The following RBM20 variants were observed in gnomAD, a reference collection of about 807,000 sequenced individuals.
RBM20 encodes the protein RNA-binding protein 20.
A neutral mutation model predicts 110.1 loss-of-function variants in RBM20; 51 were observed. That is an observed-to-expected ratio of 0.46 (90% CI 0.37 to 0.59). The LOEUF (loss-of-function observed/expected upper bound fraction) is 0.59, where lower values mean the gene tolerates loss of function less well. RBM20 is among the 20% of genes least tolerant of loss of function. RBM20 has a pLI of 0.00. For missense variants in RBM20, 1,512 were observed against 1,574.9 expected, an observed-to-expected ratio of 0.96 and a Z score of 0.68; for synonymous variants, 589 against 618.2, an observed-to-expected ratio of 0.95 and a Z score of 0.70.
intron 1 of RBM20, among the ~76,000 whole-genome samples, chr10:110,691,943 C>T (rs1862591684): frequency 6.6e-6 from 1 of 152,232 alleles, no homozygotes; most frequent in Admixed American, 6.5e-5. Context: ...TCTTTGATTC[C>T]TTTTTGCATA....
At chr10:110,703,005 T>G (rs1341757143) in intron 1 of RBM20, among the ~76,000 whole-genome samples, 1 of 104,056 alleles carries the variant, frequency 9.6e-6, no homozygotes, top group South Asian at 3.7e-4. Flanking sequence ...TTTTTTTTGT[T>G]TTTTTTTTTG....
chr10:110,764,549 G>A (rs575282309), intron 1 of RBM20, among the ~76,000 whole-genome samples: 20 of 152,372 alleles, frequency 1.3e-4, no homozygotes, highest in Admixed American at 8.5e-4. Flanking sequence ...AATGGCTCCC[G>A]GTGGCATGTG....
intron 1 of RBM20, among the ~76,000 whole-genome samples, chr10:110,683,522 A>G (rs73355047): frequency 0.034 from 5,113 of 152,286 alleles, 296 homozygotes; most frequent in African/African-American, 0.12. Flanking sequence ...ATTCCTTAAG[A>G]GCTTCCTTTT....
Position 110,652,484 on chromosome 10 carries a change from C to T in RBM20, c.191+7839C>T, listed in dbSNP as rs181815830. Among the ~76,000 whole-genome samples the T allele has an allele frequency of 4.2e-3, 645 of 152,130 alleles. 1 individual carries two copies. The highest frequency in any genetic ancestry group is 5.8e-3 in the Non-Finnish European group (396 of 68,004). On this transcript the variant is annotated intron_variant, in intron 1 of 13. Coordinates refer to ENST00000369519, the MANE Select transcript of RBM20 (RefSeq NM_001134363.3). ...TTCTTTATCTATTTCTTTTCCTAAC[C>T]GTCTGTACCTGCGAGTATTTCATTT... is the stretch of plus-strand genomic sequence containing the variant.
At chr10:110,679,305 C>A (rs2134855699) in intron 1 of RBM20, among the ~76,000 whole-genome samples, 1 of 152,224 alleles carries the variant, frequency 6.6e-6, no homozygotes. Flanking sequence ...CTCACTGCGG[C>A]CTTGAACGCC....
chr10:110,672,724 G>T (rs1398655919), intron 1 of RBM20, among the ~76,000 whole-genome samples: 6 of 152,150 alleles, frequency 3.9e-5, no homozygotes, highest in Admixed American at 3.9e-4. Context: ...GAGTGCCAGT[G>T]CCCCCAGAGT....
intron 1 of RBM20, among the ~76,000 whole-genome samples, chr10:110,701,206 C>T (rs913813860): frequency 6.6e-6 from 1 of 152,110 alleles, no homozygotes; most frequent in Non-Finnish European, 1.5e-5. Context: ...TTCTCAACTC[C>T]GTTCCCAGTG....
At chr10:110,700,915 T>G (rs936565168) in intron 1 of RBM20, among the ~76,000 whole-genome samples, 8 of 152,096 alleles carry the variant, frequency 5.3e-5, no homozygotes, top group Non-Finnish European at 8.8e-5. Context: ...CTTGGGAGGC[T>G]GAGACGGGAG....
intron 1 of RBM20, among the ~76,000 whole-genome samples, chr10:110,726,237 G>A (rs992977592): frequency 7.9e-5 from 12 of 152,178 alleles, no homozygotes; most frequent in Non-Finnish European, 1.6e-4. Flanking sequence ...TGCTGTGGGT[G>A]TCTCTGTCCT....
chr10:110,747,253 A>G (rs1284932394), intron 1 of RBM20, among the ~76,000 whole-genome samples: 1 of 146,626 alleles, frequency 6.8e-6, no homozygotes, highest in East Asian at 2.0e-4. Context: ...TTGCATCATC[A>G]TTTGGGAGAA....
At chr10:110,805,801 T>G (rs1181523737) in intron 7 of RBM20, among the ~76,000 whole-genome samples, 1 of 152,202 alleles carries the variant, frequency 6.6e-6, no homozygotes, top group Non-Finnish European at 1.5e-5. Flanking sequence ...AGCAGCAAGA[T>G]GTGTTAACTC....
At chr10:110,645,549 C>T (rs991526358) in intron 1 of RBM20, among the ~76,000 whole-genome samples, 1 of 152,214 alleles carries the variant, frequency 6.6e-6, no homozygotes, top group Non-Finnish European at 1.5e-5. Flanking sequence ...GCAAGTACAG[C>T]AAAATTTACC....
At chr10:110,831,275 T>C in intron 13 of RBM20, 93 bp downstream of exon 13, 1 of 1,379,380 alleles carries the variant, frequency 7.2e-7, no homozygotes, top group South Asian at 1.4e-5. Flanking sequence ...TGCTTGCCTC[T>C]GAGTCTAGCT....
intron 1 of RBM20, among the ~76,000 whole-genome samples, chr10:110,666,668 T>G (rs1184715564): frequency 1.3e-5 from 2 of 150,288 alleles, no homozygotes; most frequent in Admixed American, 6.7e-5. Context: ...AAAACAAAAA[T>G]CACCTGGCCA....
intron 7 of RBM20, 67 bp downstream of exon 7, chr10:110,799,985 C>T: frequency 7.0e-7 from 1 of 1,431,460 alleles, no homozygotes; most frequent in South Asian, 1.2e-5. Context: ...CCGTGTTAGG[C>T]ACTGACCTAA....
chr10:110,714,064 T>C (rs1361271922), intron 1 of RBM20, among the ~76,000 whole-genome samples: 1 of 152,168 alleles, frequency 6.6e-6, no homozygotes, highest in African/African-American at 2.4e-5. Flanking sequence ...TGCCTGGAGT[T>C]ACAGTCATGG....
At position 110,812,304 on chromosome 10, in the gene RBM20, G is replaced by A. The variant is rs267607004; in HGVS notation, c.1907G>A (p.Arg636His). ...DRYGPERPRS[R>H]SPVSRSLSPR... ...TATGGCCCAGAAAGGCCGCGGTCTC[G>A]TAGTCCGGTGAGCCGGTCACTCTCC... Residue 636 changes from arginine (R) to histidine (H), a missense_variant, in exon 9 of 14, where the codon CGT (arginine) becomes CAT (histidine). Arg to His is a conservative substitution (Grantham distance 29). This residue lies in a region of RBM20 where 1,149 missense variants were observed against 1,169.4 expected (regional missense o/e 0.98). Transcript: ENST00000369519. 1.3e-6 allele frequency: 2 copies of A among 1,549,190 alleles called. No individual in the cohort carries two copies. The highest frequency in any genetic ancestry group is 1.7e-6 in the Non-Finnish European group (2 of 1,145,724).
chr10:110,803,623 T>C (rs537124610), intron 7 of RBM20, among the ~76,000 whole-genome samples: 3 of 151,900 alleles, frequency 2.0e-5, no homozygotes, highest in Non-Finnish European at 4.4e-5. Context: ...GCTTTTCTGC[T>C]CCCCAAGCTG....
At chr10:110,705,943 G>A (rs1862831913) in intron 1 of RBM20, among the ~76,000 whole-genome samples, 1 of 152,056 alleles carries the variant, frequency 6.6e-6, no homozygotes, top group Non-Finnish European at 1.5e-5. Context: ...TTGGCCGGGT[G>A]TGATGGCAGA....
Sources: allele counts gnomAD v4.1 joint callset (sites outside exome capture counted in the v4.1 genomes callset), GRCh38; gene constraint gnomAD v4.1.1; regional missense constraint gnomAD v4.1.1; transcripts MANE v1.5; gene names NCBI Gene and HGNC (gene_info 2026-07-23, HGNC 2026-07-21).